Variants in LVRN observed in about 807,000 individuals in gnomAD.
LVRN encodes the protein aminopeptidase Q.
LVRN carries 99 observed loss-of-function variants against 111.4 expected under a neutral mutation model. The ratio of observed to expected loss-of-function variants is 0.89; its 90% CI spans 0.76 to 1.05. The LOEUF is 1.05. LVRN is among the 50% of genes least tolerant of loss of function. The pLI, the probability that LVRN is intolerant of heterozygous loss-of-function variation, is 0.00. For missense variants in LVRN, 1,414 were observed against 1,206.8 expected (o/e 1.17, Z -2.54); for synonymous variants, 488 against 449.5 (o/e 1.09, Z -1.08).
intron 1 of LVRN, 108 bp downstream of exon 1, chr5:115,963,420 C>G (rs1753135766): frequency 5.4e-6 from 4 of 738,910 alleles, no homozygotes; most frequent in African/African-American, 5.3e-5. Flanking sequence ...GCTGCCCTTT[C>G]CAAAGAATCC....
Position 116,017,949 on chromosome 5 carries a change from T to G in LVRN, c.2756+2184T>G, listed in dbSNP as rs191250028. On this transcript the variant is annotated intron_variant, in intron 18 of 19. Transcript: ENST00000357872. Reference sequence around the variant, plus strand: ...TCTCATGTTTAGAATGAAACACACATTAATGTTGTTCTTTAAAATAACATG... The same window carrying G: ...TCTCATGTTTAGAATGAAACACACAGTAATGTTGTTCTTTAAAATAACATG... Among the ~76,000 whole-genome samples the G allele has an allele frequency of 3.3e-5, 5 of 152,286 alleles. No homozygotes were observed. In the East Asian group the frequency reaches 7.7e-4, roughly 23 times the overall value.
At chr5:115,991,381 A>T (rs1747983352) in intron 4 of LVRN, among the ~76,000 whole-genome samples, 1 of 152,196 alleles carries the variant, frequency 6.6e-6, no homozygotes, top group South Asian at 2.1e-4. Flanking sequence ...ATGATACATC[A>T]TTTCTCATCA....
chr5:116,026,338 G>A lies in LVRN; in HGVS notation c.*220G>A. The A allele has an allele frequency of 1.8e-6, 1 of 562,498 alleles. No individual in the cohort carries two copies. Among genetic ancestry groups the A allele is most frequent in the Non-Finnish European group, 3.1e-6 (1 of 324,410 alleles). 34.8% of individuals were successfully genotyped at this position (562,498 alleles called of 1,614,324 possible). A position where few individuals can be genotyped will look rare whatever the true frequency, so the allele number is the denominator to read the frequency against. ...ATGCTGCTGTATTTCTGGGAAAGAT[G>A]TCACTTCATGTTGGGTTATAATCCC... On this transcript the variant is annotated 3_prime_UTR_variant, in exon 20 of 20. Coordinates refer to ENST00000357872, the MANE Select transcript of LVRN (RefSeq NM_173800.5).
intron 18 of LVRN, chr5:116,021,393 A>G (rs531082851): frequency 6.6e-6 from 1 of 152,502 alleles, no homozygotes; most frequent in Admixed American, 6.5e-5. Context: ...GGCCAGTTAA[A>G]ATAGAGAACT....
intron 5 of LVRN, 86 bp from the exon 6 acceptor site, chr5:115,993,655 T>C (rs1180774020): frequency 1.2e-6 from 1 of 846,624 alleles, no homozygotes; most frequent in Non-Finnish European, 1.9e-6. Context: ...TCTTTTGACC[T>C]TACATTTACT....
Position 115,964,622 on chromosome 5 carries a change from G to A in LVRN, c.695+1310G>A, listed in dbSNP as rs1753164716. ...GACTTTTTTTTTTTTCTTGCTGTAG[G>A]TCAGTAAATCCTCCTCTGTTCACCT... On this transcript the variant is annotated intron_variant, in intron 1 of 19. Coordinates refer to ENST00000357872, the MANE Select transcript of LVRN (RefSeq NM_173800.5). Among the ~76,000 whole-genome samples the A allele has an allele frequency of 4.6e-5, 7 of 151,368 alleles. No individual in the cohort carries two copies. In the South Asian group the frequency reaches 1.5e-3, roughly 32 times the overall value.
In LVRN at chr5:115,972,048, T is replaced by C. The variant is rs2112555171; in HGVS notation, c.695+8736T>C. ...CAGGAATATTCGTGTATAAGCCTTT[T>C]TATGAATTCAGTTGTAAATTCAAGT... is the stretch of plus-strand genomic sequence containing the variant. On this transcript the variant is annotated intron_variant, in intron 1 of 19. Transcript: ENST00000357872. Among the ~76,000 whole-genome samples, 3 of 152,254 alleles carry C rather than the reference T, an allele frequency of 2.0e-5. No individual in the cohort carries two copies. The South Asian group carries it at 6.2e-4, about 32-fold the overall frequency.
Position 115,964,256 on chromosome 5 carries a change from CT to C in LVRN, c.695+947del, listed in dbSNP as rs142622644. 8.0e-3 allele frequency among the ~76,000 whole-genome samples: 1,218 copies of C among 152,252 alleles called. 17 individuals carry two copies. The highest frequency in any genetic ancestry group is 0.028 in the African/African-American group (1,164 of 41,532). ...CGTACACAACTGCATGTACTTTGCC[CT>C]TTATTATTAGAGAAAATGTTCTCAG... is the stretch of plus-strand genomic sequence containing the variant. On this transcript the variant is annotated intron_variant, in intron 1 of 19. Transcript: ENST00000357872.
intron 1 of LVRN, among the ~76,000 whole-genome samples, chr5:115,980,942 C>T (rs1457156100): frequency 1.3e-5 from 2 of 152,072 alleles, no homozygotes; most frequent in Admixed American, 6.6e-5. Flanking sequence ...CTCTTAGAAT[C>T]ACAGTTTTAG....
At chr5:115,973,753 T>G (rs1309298811) in intron 1 of LVRN, among the ~76,000 whole-genome samples, 2 of 152,198 alleles carry the variant, frequency 1.3e-5, no homozygotes, top group African/African-American at 4.8e-5. Flanking sequence ...TGACATCACC[T>G]TTTATTCCTG....
chr5:115,984,695 G>T lies in LVRN; in HGVS notation c.964G>T (p.Glu322Ter). The change falls in exon 3 of 20, where the codon GAA becomes TAA. Residue 322 changes from glutamate (E) to a stop codon, truncating the protein, a stop_gained. Coordinates refer to ENST00000357872, the MANE Select transcript of LVRN (RefSeq NM_173800.5). LOFTEE classifies it high-confidence loss of function. ...ICDYDHVNRT[E>*]RGKEIRIWAR... The stretch of plus-strand genomic sequence containing the variant: ...TGACTATGACCACGTCAACAGAACA[G>T]AAAGGGGCAAGGAGGTGAGTGAGGA... 1 of 1,613,580 alleles carries T rather than the reference G, an allele frequency of 6.2e-7. No individual in the cohort carries two copies. The highest frequency in any genetic ancestry group is 8.5e-7 in the Non-Finnish European group (1 of 1,179,708).
intron 1 of LVRN, among the ~76,000 whole-genome samples, chr5:115,964,285 G>T (rs1753155912): frequency 6.6e-6 from 1 of 152,174 alleles, no homozygotes; most frequent in African/African-American, 2.4e-5. Context: ...GTTCTCAGAT[G>T]TTCTCTGAGG....
chr5:115,967,216 A>C (rs528223530), intron 1 of LVRN, among the ~76,000 whole-genome samples: 51 of 152,320 alleles, frequency 3.3e-4, no homozygotes, highest in African/African-American at 1.0e-3. Flanking sequence ...GTCATGCCTG[A>C]GAACTCTTCA....
chr5:116,018,705 A>G (rs1024744201), intron 18 of LVRN, among the ~76,000 whole-genome samples: 4 of 152,146 alleles, frequency 2.6e-5, no homozygotes, highest in African/African-American at 7.2e-5. Flanking sequence ...TATATCTTTT[A>G]AACATTTTGA....
chr5:115,981,184 AT>A (rs1753552696), intron 1 of LVRN, among the ~76,000 whole-genome samples: 1 of 152,210 alleles, frequency 6.6e-6, no homozygotes, highest in Admixed American at 6.5e-5. Flanking sequence ...AAATGCCATT[AT>A]AACAAACTCT....
intron 18 of LVRN, among the ~76,000 whole-genome samples, chr5:116,016,875 C>T (rs1440261083): frequency 1.3e-5 from 2 of 151,964 alleles, no homozygotes; most frequent in Admixed American, 6.6e-5. Flanking sequence ...AAAAAAAACC[C>T]ATTAGTTAAC....
intron 15 of LVRN, among the ~76,000 whole-genome samples, chr5:116,013,991 T>C (rs947658255): frequency 6.6e-6 from 1 of 152,184 alleles, no homozygotes; most frequent in Non-Finnish European, 1.5e-5. Flanking sequence ...AATGAACTAT[T>C]CCCTTTCCCT....
chr5:116,001,332 C>T (rs1391238353), intron 10 of LVRN, 93 bp downstream of exon 10: 13 of 1,397,042 alleles, frequency 9.3e-6, no homozygotes, highest in Non-Finnish European at 1.0e-5. Context: ...GCGTTACCCC[C>T]GCTGGGCATA....
chr5:116,004,336 C>T (rs192971804), intron 12 of LVRN, among the ~76,000 whole-genome samples: 1 of 152,130 alleles, frequency 6.6e-6, no homozygotes, highest in African/African-American at 2.4e-5. Flanking sequence ...TGGAGCTGGA[C>T]GCCAGCTTAG....
Sources: gnomAD v4.1 joint callset for allele counts (sites outside exome capture counted in the v4.1 genomes callset) on GRCh38, gnomAD v4.1.1 for gene constraint, MANE v1.5 for transcripts, NCBI Gene and HGNC (gene_info 2026-07-23, HGNC 2026-07-21) for gene names.